Variants in UBE2E2 observed in about 807,000 individuals in gnomAD.
UBE2E2 encodes ubiquitin-conjugating enzyme E2 E2.
A neutral mutation model predicts 24.7 loss-of-function variants in UBE2E2; 6 were observed. The observed-to-expected ratio is 0.24, with a 90% confidence interval of 0.13 to 0.48. UBE2E2 has a LOEUF of 0.48. Among genes scored for constraint, UBE2E2 ranks in the 20% least tolerant of loss-of-function variants. UBE2E2 has a pLI of 0.99. For missense variants in UBE2E2, 169 were observed against 245.0 expected, an observed-to-expected ratio of 0.69 and a Z score of 2.07; for synonymous variants, 104 against 83.6, an observed-to-expected ratio of 1.24 and a Z score of -1.33.
At chr3:23,555,395 A>G (rs979325042) in intron 5 of UBE2E2, among the ~76,000 whole-genome samples, 3 of 152,176 alleles carry the variant, frequency 2.0e-5, no homozygotes, top group African/African-American at 7.2e-5. Context: ...AAAGGTGTGG[A>G]GAAAAGGGAA....
chr3:23,433,449 G>A (rs1698112246), intron 3 of UBE2E2, among the ~76,000 whole-genome samples: 1 of 151,894 alleles, frequency 6.6e-6, no homozygotes, highest in Admixed American at 6.5e-5. Context: ...GAATGCTTTG[G>A]ACTGATGTCA....
At chr3:23,393,939 A>C (rs1341680150) in intron 3 of UBE2E2, among the ~76,000 whole-genome samples, 2 of 152,214 alleles carry the variant, frequency 1.3e-5, no homozygotes, top group East Asian at 3.8e-4. Context: ...AGTTCTGACA[A>C]AAAGTACACA....
chr3:23,328,723 G>A (rs1353178738), intron 3 of UBE2E2, among the ~76,000 whole-genome samples: 12 of 150,610 alleles, frequency 8.0e-5, no homozygotes, highest in African/African-American at 2.2e-4. Flanking sequence ...GTGCAGTGGC[G>A]CGATCTTGAC....
At chr3:23,498,527 T>C (rs1389344980) in intron 3 of UBE2E2, among the ~76,000 whole-genome samples, 1 of 152,228 alleles carries the variant, frequency 6.6e-6, no homozygotes, top group Non-Finnish European at 1.5e-5. Context: ...ACATTTGATA[T>C]CAGGTCTCCC....
At chr3:23,213,286 C>T (rs543585272) in intron 2 of UBE2E2, among the ~76,000 whole-genome samples, 39 of 152,016 alleles carry the variant, frequency 2.6e-4, no homozygotes, top group Non-Finnish European at 4.4e-4. Flanking sequence ...TTTTTCTGAA[C>T]CCTTAGCCCA....
chr3:23,418,219 T>C (rs1391325160), intron 3 of UBE2E2, among the ~76,000 whole-genome samples: 2 of 152,178 alleles, frequency 1.3e-5, no homozygotes, highest in African/African-American at 4.8e-5. Flanking sequence ...GGTCTGCAGG[T>C]TGCAGAGACC....
chr3:23,346,910 A>G (rs908434092), intron 3 of UBE2E2, among the ~76,000 whole-genome samples: 2 of 152,222 alleles, frequency 1.3e-5, no homozygotes, highest in Non-Finnish European at 2.9e-5. Flanking sequence ...ATGTATTACT[A>G]TTAGTATTAC....
intron 3 of UBE2E2, among the ~76,000 whole-genome samples, chr3:23,455,959 A>G (rs530885346): frequency 6.6e-6 from 1 of 152,338 alleles, no homozygotes; most frequent in South Asian, 2.1e-4. Context: ...TTTACCCACA[A>G]TGTAACTTCT....
chr3:23,496,901 T>G (rs984718263), intron 3 of UBE2E2, among the ~76,000 whole-genome samples: 1 of 152,180 alleles, frequency 6.6e-6, no homozygotes, highest in Non-Finnish European at 1.5e-5. Context: ...TTCTCCAAAT[T>G]TAACTACTAA....
chr3:23,263,922 T>A (rs552903180), intron 3 of UBE2E2, among the ~76,000 whole-genome samples: 2 of 152,346 alleles, frequency 1.3e-5, no homozygotes, highest in East Asian at 3.9e-4. Flanking sequence ...TAACAAGTTC[T>A]AGATTAGACA....
At chr3:23,310,345 G>C (rs1274715623) in intron 3 of UBE2E2, among the ~76,000 whole-genome samples, 1 of 143,300 alleles carries the variant, frequency 7.0e-6, no homozygotes, top group Non-Finnish European at 1.5e-5. Context: ...GGGTATTTTT[G>C]AGTTGGATAT....
At chr3:23,341,445 A>G (rs1314882278) in intron 3 of UBE2E2, among the ~76,000 whole-genome samples, 1 of 152,168 alleles carries the variant, frequency 6.6e-6, no homozygotes, top group Non-Finnish European at 1.5e-5. Context: ...TTTTGGACAT[A>G]TGAACTCTGG....
chr3:23,514,472 T>C (rs1694682438), intron 4 of UBE2E2, among the ~76,000 whole-genome samples: 1 of 152,216 alleles, frequency 6.6e-6, no homozygotes, highest in Admixed American at 6.5e-5. Flanking sequence ...GTGTTTTCAT[T>C]CTCATTCTCC....
chr3:23,499,531 T>C (rs1311315659), intron 3 of UBE2E2, 77 bp from the exon 4 acceptor site: 1 of 1,528,012 alleles, frequency 6.5e-7, no homozygotes, highest in African/African-American at 1.4e-5. Context: ...GCTCAATTGG[T>C]TATCATAAAT....
intron 3 of UBE2E2, among the ~76,000 whole-genome samples, chr3:23,261,265 G>A (rs1312317544): frequency 6.6e-6 from 1 of 151,746 alleles, no homozygotes; most frequent in African/African-American, 2.4e-5. Context: ...CATTTGGAAT[G>A]CATTGGTACC....
intron 4 of UBE2E2, among the ~76,000 whole-genome samples, chr3:23,502,277 A>AT: frequency 6.6e-6 from 1 of 150,994 alleles, no homozygotes; most frequent in South Asian, 2.1e-4. Context: ...GATTCCTGCA[A>AT]CATTTCCCAA....
chr3:23,545,089 T>G (rs1695488038), intron 5 of UBE2E2, among the ~76,000 whole-genome samples: 1 of 152,190 alleles, frequency 6.6e-6, no homozygotes, highest in South Asian at 2.1e-4. Context: ...GAACTTACAA[T>G]CGAGTTTTAT....
At chr3:23,571,412 C>T (rs201609481) in intron 5 of UBE2E2, among the ~76,000 whole-genome samples, 2 of 150,862 alleles carry the variant, frequency 1.3e-5, no homozygotes, top group Admixed American at 1.3e-4. Flanking sequence ...GCCTCAGCCT[C>T]CCGAGTAGCC....
chr3:23,348,020 G>T (rs914241708), intron 3 of UBE2E2, among the ~76,000 whole-genome samples: 4 of 151,944 alleles, frequency 2.6e-5, no homozygotes, highest in Non-Finnish European at 5.9e-5. Flanking sequence ...AAAAAGAAGG[G>T]GTTCATAAGC....
Sources: allele counts gnomAD v4.1 joint callset (sites outside exome capture counted in the v4.1 genomes callset), GRCh38; gene constraint gnomAD v4.1.1; transcripts MANE v1.5; gene names NCBI Gene and HGNC (gene_info 2026-07-23, HGNC 2026-07-21).